JAKMIP3: variants seen among roughly 807,000 people sequenced by gnomAD.
The protein encoded by JAKMIP3 is janus kinase and microtubule-interacting protein 3.
In JAKMIP3, 58 loss-of-function variants were observed where a neutral mutation model predicts 118.5. That is an observed-to-expected ratio of 0.49 (90% CI 0.40 to 0.61). The LOEUF (loss-of-function observed/expected upper bound fraction) is 0.61, where lower values mean the gene tolerates loss of function less well. JAKMIP3 is among the 20% of genes least tolerant of loss of function. The pLI, the probability that JAKMIP3 is intolerant of heterozygous loss-of-function variation, is 0.00. For synonymous variants in JAKMIP3, 486 were observed against 451.2 expected (o/e 1.08, Z -0.98); for missense variants, 950 against 1,109.0 (o/e 0.86, Z 2.04).
chr10:132,173,700 T>C (rs1374526242), intron 23 of JAKMIP3, among the ~76,000 whole-genome samples: 1 of 130,354 alleles, frequency 7.7e-6, no homozygotes, highest in East Asian at 2.0e-4. Flanking sequence ...TGTGGTGGCC[T>C]GTGGTATGTT....
At chr10:132,039,927 C>T (rs2037667895) in intron 1 of JAKMIP3, among the ~76,000 whole-genome samples, 1 of 152,246 alleles carries the variant, frequency 6.6e-6, no homozygotes, top group South Asian at 2.1e-4. Flanking sequence ...ACTTGGGTTC[C>T]TTCACAAGCT....
At chr10:132,050,789 ACAC>A (rs2038076364) in intron 1 of JAKMIP3, among the ~76,000 whole-genome samples, 1 of 152,220 alleles carries the variant, frequency 6.6e-6, no homozygotes, top group Non-Finnish European at 1.5e-5. Context: ...GAAAAACAAA[ACAC>A]CACATGCACC....
At chr10:132,075,332 CCTT>C (rs919221148) in intron 1 of JAKMIP3, among the ~76,000 whole-genome samples, 2 of 149,344 alleles carry the variant, frequency 1.3e-5, no homozygotes, top group East Asian at 2.0e-4. Context: ...TTTTCACAGT[CCTT>C]CTTGAAGAAA....
At chr10:132,096,633 AT>A (rs1218517919) in intron 1 of JAKMIP3, among the ~76,000 whole-genome samples, 4 of 149,856 alleles carry the variant, frequency 2.7e-5, no homozygotes, top group Non-Finnish European at 4.5e-5. Context: ...CCTGGCCGTG[AT>A]TTTTTTTTTC....
At chr10:132,139,422 G>A (rs1045595245) in intron 9 of JAKMIP3, among the ~76,000 whole-genome samples, 6 of 77,032 alleles carry the variant, frequency 7.8e-5, no homozygotes, top group South Asian at 4.2e-4. Flanking sequence ...GTGAGTGTGT[G>A]TGTGTGTTTG....
chr10:132,131,690 G>T (rs1403656689), intron 3 of JAKMIP3, among the ~76,000 whole-genome samples: 2 of 152,100 alleles, frequency 1.3e-5, no homozygotes, highest in Non-Finnish European at 1.5e-5. Flanking sequence ...TGCTGGCAGT[G>T]GGGTGATGCT....
intron 1 of JAKMIP3, among the ~76,000 whole-genome samples, chr10:132,058,204 T>C (rs565770767): frequency 1.3e-5 from 2 of 152,308 alleles, no homozygotes; most frequent in African/African-American, 4.8e-5. Context: ...CGGCAGTGAC[T>C]TTGGAACGAG....
At position 132,133,503 on chromosome 10, in the gene JAKMIP3, C is replaced by T. The variant is rs376769665; in HGVS notation, c.825C>T (p.Asp275=). ...RELPHAAGAG[D]ASDHSGSPEQ... is the part of the protein sequence containing the mutation. ...TTCCTCATGCAGCTGGTGCAGGAGA[C>T]GCTTCAGACCACTCGGGAAGCCCTG... The change falls in exon 4 of 24, where the codon GAC becomes GAT. Residue 275 remains aspartate, a synonymous_variant. Transcript: ENST00000684848. 156 of 1,572,246 alleles carry T rather than the reference C, an allele frequency of 9.9e-5. 1 individual carries two copies. Among genetic ancestry groups the T allele is most frequent in the Admixed American group, 6.1e-4 (33 of 53,830 alleles).
intron 23 of JAKMIP3, chr10:132,170,255 C>G (rs535353139): frequency 1.3e-5 from 2 of 152,328 alleles, no homozygotes; most frequent in Non-Finnish European, 2.9e-5. Context: ...AGCCAGAGGT[C>G]GGGAGCTCCA....
At chr10:132,115,614 A>G (rs2047526326) in intron 2 of JAKMIP3, among the ~76,000 whole-genome samples, 2 of 152,256 alleles carry the variant, frequency 1.3e-5, no homozygotes, top group Admixed American at 1.3e-4. Flanking sequence ...TCAGCGTGTC[A>G]TTCACGTAAA....
intron 3 of JAKMIP3, among the ~76,000 whole-genome samples, chr10:132,120,095 G>A (rs1039635535): frequency 6.6e-6 from 1 of 152,188 alleles, no homozygotes; most frequent in African/African-American, 2.4e-5. Context: ...GTCGTCCCCA[G>A]GGCCTCTGGC....
rs1310895927 is a variant in JAKMIP3 at position 132,112,529 on chromosome 10, ATTCTT to A, written c.136-4542_136-4538del. 2.0e-5 allele frequency among the ~76,000 whole-genome samples: 3 copies of A among 151,934 alleles called. No individual in the cohort carries two copies. The highest frequency in any genetic ancestry group is 7.3e-5 in the African/African-American group (3 of 41,338). On this transcript the variant is annotated intron_variant, in intron 2 of 23. Coordinates refer to ENST00000684848, the MANE Select transcript of JAKMIP3 (RefSeq NM_001323087.2). This position sits in a 1 kb window ranked among gnomAD's most constrained non-coding sequence, Gnocchi z 4.3. ...CTGGTTCCTTATTTTGTTCAATTGT[ATTCTT>A]TTCTTCAGTGTTTTTGTCTACAAAG... is the stretch of plus-strand genomic sequence containing the variant.
At chr10:132,115,207 C>T (rs1020307106) in intron 2 of JAKMIP3, among the ~76,000 whole-genome samples, 12 of 97,174 alleles carry the variant, frequency 1.2e-4, no homozygotes, top group African/African-American at 6.4e-4. Context: ...GCGATCGCGG[C>T]TAGGGGTCAC....
chr10:132,127,938 T>C (rs1053555745), intron 3 of JAKMIP3, among the ~76,000 whole-genome samples: 1 of 152,236 alleles, frequency 6.6e-6, no homozygotes, highest in Non-Finnish European at 1.5e-5. Flanking sequence ...ATGATTGTCA[T>C]ATATTTTACT....
At chr10:132,167,836 GCCCTCGCCCCTCGC>G (rs536781034) in intron 22 of JAKMIP3, 103 bp from the exon 23 acceptor site, 2 of 534,758 alleles carry the variant, frequency 3.7e-6, no homozygotes, top group African/African-American at 4.8e-5. Context: ...TCACCCCTCG[GCCCTCGCCCCTCGC>G]CCCTCACCCC....
chr10:132,146,293 T>G (rs1249965156), intron 13 of JAKMIP3, among the ~76,000 whole-genome samples: 1 of 151,968 alleles, frequency 6.6e-6, no homozygotes, highest in Non-Finnish European at 1.5e-5. Flanking sequence ...TCTCGGCACC[T>G]CCCACCACAT....
chr10:132,048,355 C>T (rs1240733485), intron 1 of JAKMIP3, among the ~76,000 whole-genome samples: 4 of 152,202 alleles, frequency 2.6e-5, no homozygotes, highest in African/African-American at 9.7e-5. Context: ...TCTCGGGCTC[C>T]CAGGCACTGG....
intron 1 of JAKMIP3, among the ~76,000 whole-genome samples, chr10:132,040,472 CCA>C (rs1280787388): frequency 1.3e-5 from 2 of 152,120 alleles, no homozygotes; most frequent in Non-Finnish European, 2.9e-5. Flanking sequence ...ACTCCCCCAG[CCA>C]CACACAGAGT....
chr10:132,104,268 G>A (rs12781468), intron 1 of JAKMIP3, among the ~76,000 whole-genome samples: 34,494 of 151,282 alleles, frequency 0.23, 4,750 homozygotes, highest in African/African-American at 0.38. Flanking sequence ...GGAGGAGCCC[G>A]GTCACGGGGT....
Sources: gnomAD v4.1 joint callset for allele counts (sites outside exome capture counted in the v4.1 genomes callset) on GRCh38, gnomAD v4.1.1 for gene constraint, Gnocchi (gnomAD v3.1) non-coding constraint, MANE v1.5 for transcripts, NCBI Gene and HGNC (gene_info 2026-07-23, HGNC 2026-07-21) for gene names.